Variants in COL20A1 observed in about 807,000 individuals in gnomAD.
COL20A1 encodes the protein collagen alpha-1(XX) chain.
Under a neutral mutation model 152.9 loss-of-function variants are expected in COL20A1, and 164 were observed. That is an observed-to-expected ratio of 1.07 (90% CI 0.94 to 1.22). COL20A1 has a LOEUF of 1.22. Among genes scored for constraint, COL20A1 ranks in the 50% most tolerant of loss-of-function variants. The probability of loss-of-function intolerance (pLI) is 0.00; values close to 1 mark genes in which losing one functional copy is unlikely to be tolerated. For missense variants in COL20A1, 1,873 were observed against 1,744.8 expected (o/e 1.07, Z -1.31); for synonymous variants, 864 against 756.0 (o/e 1.14, Z -2.34).
Position 63,306,586 on chromosome 20 carries a change from C to G in COL20A1, c.496+547C>G, listed in dbSNP as rs2067928760. On this transcript the variant is annotated intron_variant, in intron 5 of 35. Transcript: ENST00000358894. This position sits in a 1 kb window ranked among gnomAD's most constrained non-coding sequence, Gnocchi z 6.9. The stretch of plus-strand genomic sequence containing the variant: ...CGGGGGCCCTGGAGGGAGGGCCCTG[C>G]CCAGCCGGCCCCAGGCGTGGAGAGG... 6.6e-6 allele frequency among the ~76,000 whole-genome samples: 1 copy of G among 152,108 alleles called. No homozygotes were observed. Among genetic ancestry groups the G allele is most frequent in the Admixed American group, 6.5e-5 (1 of 15,280 alleles).
intron 27 of COL20A1, among the ~76,000 whole-genome samples, chr20:63,322,366 A>G (rs958844692): frequency 1.2e-4 from 18 of 152,084 alleles, no homozygotes; most frequent in Non-Finnish European, 2.6e-4. Context: ...TTTCACCCAG[A>G]TAGGGAGGAT....
intron 3 of COL20A1, among the ~76,000 whole-genome samples, chr20:63,303,485 G>A (rs2067883437): frequency 6.6e-6 from 1 of 152,200 alleles, no homozygotes; most frequent in Non-Finnish European, 1.5e-5. Flanking sequence ...CTGCGGAGTA[G>A]CTGTGTGATT....
chr20:63,293,935 G>A (rs1223449949), intron 1 of COL20A1, among the ~76,000 whole-genome samples: 1 of 147,780 alleles, frequency 6.8e-6, no homozygotes, highest in Non-Finnish European at 1.5e-5. Flanking sequence ...GGGTCACTCA[G>A]GACCCTAGAA....
At position 63,320,349 on chromosome 20, in the gene COL20A1, G is replaced by A; in HGVS notation, c.3134G>A (p.Cys1045Tyr). 4 of 1,611,352 alleles carry A rather than the reference G, an allele frequency of 2.5e-6. No homozygotes were observed. Among genetic ancestry groups the A allele is most frequent in the Non-Finnish European group, 3.4e-6 (4 of 1,179,848 alleles). ...CSDTWADEDRCCELPASRDGE... is the reference protein window; with the variant it reads ...CSDTWADEDRYCELPASRDGE... Reference sequence around the variant, plus strand: ...GACACCTGGGCCGATGAGGACCGGTGCTGTGAGCTCCCTGCCTCGGTGTGC... The same window carrying A: ...GACACCTGGGCCGATGAGGACCGGTACTGTGAGCTCCCTGCCTCGGTGTGC... Residue 1045 changes from cysteine (C) to tyrosine (Y), a missense_variant, in exon 25 of 36, where the codon TGC becomes TAC. Physicochemically the swap from Cys to Tyr is radical, Grantham distance 194. Transcript: ENST00000358894.
At position 63,319,867 on chromosome 20, in the gene COL20A1, G is replaced by A. The variant is rs1315732513; in HGVS notation, c.2917-172G>A. ...GTCCATTTTACAGAGGGGAAGCCGA[G>A]GCCCAGCAAGGGGGGGTTCTCCCAG... On this transcript the variant is annotated intron_variant, in intron 23 of 35. Transcript: ENST00000358894. This position sits in a 1 kb window ranked among gnomAD's most constrained non-coding sequence, Gnocchi z 4.4. Among the ~76,000 whole-genome samples the A allele has an allele frequency of 6.6e-6, 1 of 152,138 alleles. No homozygotes were observed. Among genetic ancestry groups the A allele is most frequent in the African/African-American group, 2.4e-5 (1 of 41,438 alleles).
rs1431352217 is a variant in COL20A1, at chr20:63,306,401, C to G, written c.496+362C>G. On this transcript the variant is annotated intron_variant, in intron 5 of 35. Transcript: ENST00000358894. The surrounding 1 kb of genome is among the most constrained non-coding windows in gnomAD (Gnocchi z 6.9). The stretch of plus-strand genomic sequence containing the variant: ...CTGACCACACGGTCTCTGGCTTTAA[C>G]TTAAAGTTGCCATGTTCCCAGGTTC... Among the ~76,000 whole-genome samples the G allele has an allele frequency of 6.6e-6, 1 of 152,274 alleles. No individual in the cohort carries two copies. The highest frequency in any genetic ancestry group is 6.5e-5 in the Admixed American group (1 of 15,290).
At chr20:63,294,369 T>C (rs905253737) in intron 1 of COL20A1, among the ~76,000 whole-genome samples, 2 of 151,710 alleles carry the variant, frequency 1.3e-5, no homozygotes, top group Non-Finnish European at 2.9e-5. Flanking sequence ...CCCTGGCCTC[T>C]GAGTCCCCCT....
At chr20:63,322,156 C>T in intron 27 of COL20A1, 45 bp downstream of exon 27, 1 of 1,413,504 alleles carries the variant, frequency 7.1e-7, no homozygotes, top group Non-Finnish European at 9.4e-7. Flanking sequence ...TGGATCGTAC[C>T]TACCAGAAGA....
At chr20:63,308,496 G>A (rs2067959759) in intron 7 of COL20A1, 46 bp from the exon 8 acceptor site, 6 of 1,495,032 alleles carry the variant, frequency 4.0e-6, no homozygotes, top group Non-Finnish European at 4.5e-6. Context: ...AGCACCAGGA[G>A]GGGATGCTGG....
Position 63,297,952 on chromosome 20 carries a change from T to C in COL20A1, c.125T>C (p.Leu42Pro). Reference protein sequence around the residue: ...LRLAVLPEDRLQMKWRESEGS... With the variant: ...LRLAVLPEDRPQMKWRESEGS... ...CTGGCTGTGCTGCCTGAGGACCGGC[T>C]GCAGATGAAGTGGAGAGAGTCGGAG... Residue 42 changes from leucine (L) to proline (P), a missense_variant, in exon 3 of 36, where the codon CTG becomes CCG. Transcript: ENST00000358894. The C allele has an allele frequency of 6.2e-7, 1 of 1,613,342 alleles. No individual in the cohort carries two copies. The highest frequency in any genetic ancestry group is 8.5e-7 in the Non-Finnish European group (1 of 1,179,850).
chr20:63,329,522 G>A (rs527465254), intron 34 of COL20A1, 63 bp from the exon 35 acceptor site: 28 of 1,336,928 alleles, frequency 2.1e-5, no homozygotes, highest in African/African-American at 8.8e-5. Flanking sequence ...CTCTGTCCCC[G>A]TCAGAACAGG....
chr20:63,311,753 G>A lies in COL20A1; in HGVS notation c.1663+5G>A. On this transcript the variant is annotated splice_donor_5th_base_variant and intron_variant, in intron 13 of 35. Coordinates refer to ENST00000358894, the MANE Select transcript of COL20A1 (RefSeq NM_020882.4). The surrounding 1 kb of genome is among the most constrained non-coding windows in gnomAD (Gnocchi z 4.4). ...GGGGCATCCGTGCCAGGACCCGTGA[G>A]TGCTCCAACCCCGGCTGCCTGCCCA... The A allele has an allele frequency of 3.1e-6, 5 of 1,588,850 alleles. No homozygotes were observed. The highest frequency in any genetic ancestry group is 4.3e-6 in the Non-Finnish European group (5 of 1,173,226).
chr20:63,298,438 G>T (rs758035589), intron 3 of COL20A1, among the ~76,000 whole-genome samples: 1 of 151,996 alleles, frequency 6.6e-6, no homozygotes. Context: ...GTACAGGTGC[G>T]TGCCACCACT....
rs368035015 is a variant in COL20A1, at chr20:63,320,149, G to A, written c.3027G>A (p.Thr1009=). The A allele has an allele frequency of 1.7e-5, 26 of 1,550,372 alleles. No individual in the cohort carries two copies. Among genetic ancestry groups the A allele is most frequent in the Middle Eastern group, 3.5e-4 (2 of 5,660 alleles). ...GCCCACCCGCTGCGGGCTTCGTCAC[G>A]CTGGGGAGGCTGGCCAAGGCCAGGG... ...MGSPPAAGFV[T]LGRLAKARGP... is the part of the protein sequence containing the mutation. The change falls in exon 24 of 36, where the codon ACG becomes ACA. Residue 1009 remains threonine, a synonymous_variant. Coordinates refer to ENST00000358894, the MANE Select transcript of COL20A1 (RefSeq NM_020882.4).
At chr20:63,316,435 T>C (rs1601426794) in intron 20 of COL20A1, 118 bp from the exon 21 acceptor site, 19 of 89,110 alleles carry the variant, frequency 2.1e-4, no homozygotes, top group Non-Finnish European at 2.5e-4. Flanking sequence ...CCGTCACCCC[T>C]CCCTCCCACC....
intron 19 of COL20A1, 142 bp from the exon 20 acceptor site, chr20:63,315,262 A>AGATG (rs2068069361): frequency 1.2e-6 from 1 of 807,848 alleles, no homozygotes. Flanking sequence ...TGTGGGTGGC[A>AGATG]GATGGGACAT....
Position 63,325,481 on chromosome 20 carries a change from T to C in COL20A1, c.3335T>C (p.Leu1112Pro), listed in dbSNP as rs1264266632. ...GVKGEKGDHGLPGLQGHPGHQ... is the reference protein window; with the variant it reads ...GVKGEKGDHGPPGLQGHPGHQ... ...AAAGGAGAGAAGGGAGACCATGGGC[T>C]TCCAGGCTTGCAGGTAGTGTGGCTG... The change falls in exon 28 of 36, where the codon CTT becomes CCT. Residue 1112 changes from leucine to proline, a missense_variant. Leu to Pro is a moderately conservative substitution (Grantham distance 98, BLOSUM62 -3). Coordinates refer to ENST00000358894, the MANE Select transcript of COL20A1 (RefSeq NM_020882.4). 2 of 1,612,770 alleles carry C rather than the reference T, an allele frequency of 1.2e-6. No individual in the cohort carries two copies. The highest frequency in any genetic ancestry group is 1.1e-5 in the South Asian group (1 of 91,010).
At chr20:63,296,245 A>G (rs2067792676) in intron 2 of COL20A1, among the ~76,000 whole-genome samples, 1 of 152,252 alleles carries the variant, frequency 6.6e-6, no homozygotes, top group African/African-American at 2.4e-5. Flanking sequence ...CCCTGGGGCC[A>G]GTGGGGGCTG....
Position 63,311,964 on chromosome 20 carries a change from A to G in COL20A1, c.1712A>G (p.Asp571Gly), listed in dbSNP as rs779433851. 2 of 1,595,174 alleles carry G rather than the reference A, an allele frequency of 1.3e-6. No homozygotes were observed. The highest frequency in any genetic ancestry group is 1.7e-6 in the Non-Finnish European group (2 of 1,173,028). ...RHLGFSDVSH[D>G]AARVFWEGAP... ...CTGGGCTTCTCAGACGTGAGCCACG[A>G]CGCGGCACGAGTGTTCTGGGAGGGT... The change falls in exon 14 of 36, where the codon GAC (aspartate) becomes GGC (glycine). Residue 571 changes from aspartate to glycine, a missense_variant. Physicochemically the swap from Asp to Gly is moderately conservative, Grantham distance 94 (BLOSUM62 -1). Transcript: ENST00000358894. This position sits in a 1 kb window ranked among gnomAD's most constrained non-coding sequence, Gnocchi z 4.4.
Sources: gnomAD v4.1 joint callset for allele counts (sites outside exome capture counted in the v4.1 genomes callset) on GRCh38, gnomAD v4.1.1 for gene constraint, Gnocchi (gnomAD v3.1) non-coding constraint, MANE v1.5 for transcripts, NCBI Gene and HGNC (gene_info 2026-07-23, HGNC 2026-07-21) for gene names.